AFG1L: variants seen among roughly 807,000 people sequenced by gnomAD.
The protein encoded by AFG1L is AFG1 like ATPase, also known as AFG1-like ATPase.
AFG1L carries 53 observed loss-of-function variants against 62.2 expected under a neutral mutation model. The ratio of observed to expected loss-of-function variants is 0.85; its 90% CI spans 0.68 to 1.07. The LOEUF (loss-of-function observed/expected upper bound fraction) is 1.07, where lower values mean the gene tolerates loss of function less well. AFG1L is among the 50% of genes least tolerant of loss of function. The pLI is 0.00. For missense variants in AFG1L, 555 were observed against 590.5 expected, an observed-to-expected ratio of 0.94 and a Z score of 0.62; for synonymous variants, 228 against 210.3, an observed-to-expected ratio of 1.08 and a Z score of -0.73.
At chr6:108,472,749 T>TCTCCCTCCCTCCCTTCCTTCCTTC (rs1447213205) in intron 8 of AFG1L, among the ~76,000 whole-genome samples, 3 of 149,186 alleles carry the variant, frequency 2.0e-5, no homozygotes, top group Non-Finnish European at 3.0e-5. Flanking sequence ...GCACAATCTC[T>TCTCCCTCCCTCCCTTCCTTCCTTC]CTCCCTCCCT....
chr6:108,511,228 T>G (rs2114900159), intron 11 of AFG1L, among the ~76,000 whole-genome samples: 1 of 151,138 alleles, frequency 6.6e-6, no homozygotes, highest in Non-Finnish European at 1.5e-5. Flanking sequence ...AACAAATGAG[T>G]GAATGACTAG....
At position 108,420,816 on chromosome 6, in the gene AFG1L, T is replaced by G. The variant is rs570402799; in HGVS notation, c.807+18762T>G. On this transcript the variant is annotated intron_variant, in intron 7 of 12. Coordinates refer to ENST00000368977, the MANE Select transcript of AFG1L (RefSeq NM_145315.5). ...TGCTTACATGTAAAATATATACTGT[T>G]TAGGACTTGAATTCTCTTCTCTTAG... Among the ~76,000 whole-genome samples the G allele has an allele frequency of 1.1e-4, 16 of 152,278 alleles. No individual in the cohort carries two copies. The East Asian group carries it at 2.9e-3, about 27-fold the overall frequency.
chr6:108,401,558 G>C (rs1458106423), intron 6 of AFG1L, among the ~76,000 whole-genome samples: 1 of 152,140 alleles, frequency 6.6e-6, no homozygotes, highest in Non-Finnish European at 1.5e-5. Context: ...AGGATTACAG[G>C]CATGAGCTAC....
chr6:108,499,221 A>G (rs1462563501), intron 10 of AFG1L, among the ~76,000 whole-genome samples: 1 of 151,350 alleles, frequency 6.6e-6, no homozygotes, highest in Non-Finnish European at 1.5e-5. Flanking sequence ...GGCACGTGCC[A>G]CTACATGTGG....
chr6:108,319,083 G>A (rs1483388885), intron 1 of AFG1L, among the ~76,000 whole-genome samples: 5 of 152,070 alleles, frequency 3.3e-5, no homozygotes, highest in African/African-American at 4.8e-5. Flanking sequence ...CCAAAAACTG[G>A]GAATGAAGTC....
chr6:108,446,609 A>G (rs1426979959), intron 7 of AFG1L, among the ~76,000 whole-genome samples: 1 of 151,644 alleles, frequency 6.6e-6, no homozygotes, highest in Non-Finnish European at 1.5e-5. Context: ...GGCTCAAGCA[A>G]TGCTCGCAGC....
At chr6:108,417,620 C>A (rs1373629680) in intron 7 of AFG1L, among the ~76,000 whole-genome samples, 1 of 151,992 alleles carries the variant, frequency 6.6e-6, no homozygotes, top group East Asian at 1.9e-4. Context: ...CAAATAAAAG[C>A]AAGATATGTT....
In AFG1L at chr6:108,301,657, G is replaced by A. The variant is rs111354709; in HGVS notation, c.139+6439G>A. On this transcript the variant is annotated intron_variant, in intron 1 of 12. Transcript: ENST00000368977. ...CTTATCCTGCATTCCTTCATGAAGA[G>A]TACAATAGCAATATATTCCACAACA... is the stretch of plus-strand genomic sequence containing the variant. Among the ~76,000 whole-genome samples, 774 of 152,310 alleles carry A rather than the reference G, an allele frequency of 5.1e-3. 4 individuals are homozygous for A. Among genetic ancestry groups the A allele is most frequent in the Middle Eastern group, 0.024 (7 of 294 alleles).
chr6:108,446,646 A>G (rs1771819543), intron 7 of AFG1L, among the ~76,000 whole-genome samples: 1 of 152,084 alleles, frequency 6.6e-6, no homozygotes, highest in Non-Finnish European at 1.5e-5. Context: ...CTGAGACTAC[A>G]GGCGTGTGCC....
At chr6:108,398,071 A>G (rs1269159081) in intron 6 of AFG1L, among the ~76,000 whole-genome samples, 1 of 152,102 alleles carries the variant, frequency 6.6e-6, no homozygotes, top group Non-Finnish European at 1.5e-5. Flanking sequence ...ATTCCCACCA[A>G]TAGAGTATTG....
chr6:108,441,080 A>G (rs773078188), intron 7 of AFG1L, among the ~76,000 whole-genome samples: 1 of 152,168 alleles, frequency 6.6e-6, no homozygotes, highest in Non-Finnish European at 1.5e-5. Flanking sequence ...AGATGGGCAA[A>G]TCTGTGTTTA....
chr6:108,466,931 A>C (rs898258703), intron 8 of AFG1L, among the ~76,000 whole-genome samples: 1 of 151,994 alleles, frequency 6.6e-6, no homozygotes, highest in African/African-American at 2.4e-5. Flanking sequence ...AGTGACAAAA[A>C]TAAACAAACT....
At chr6:108,297,574 G>A (rs904903374) in intron 1 of AFG1L, among the ~76,000 whole-genome samples, 2 of 151,960 alleles carry the variant, frequency 1.3e-5, no homozygotes, top group Admixed American at 1.3e-4. Flanking sequence ...GTGTAATGTG[G>A]CTGGGTGTGG....
chr6:108,422,558 G>A (rs573718423), intron 7 of AFG1L, among the ~76,000 whole-genome samples: 75 of 142,206 alleles, frequency 5.3e-4, no homozygotes, highest in Non-Finnish European at 9.0e-4. Context: ...TTGGGGGAAG[G>A]AGGTGCTGAA....
At chr6:108,399,044 A>G (rs1781436419) in intron 6 of AFG1L, among the ~76,000 whole-genome samples, 1 of 152,130 alleles carries the variant, frequency 6.6e-6, no homozygotes, top group Admixed American at 6.5e-5. Flanking sequence ...GGATAGTATG[A>G]GCATTTTAAC....
At chr6:108,357,831 C>T (rs1779350913) in intron 5 of AFG1L, among the ~76,000 whole-genome samples, 2 of 152,230 alleles carry the variant, frequency 1.3e-5, no homozygotes, top group Admixed American at 1.3e-4. Flanking sequence ...ATGCTTTTAT[C>T]CCAAAGCATG....
chr6:108,316,588 C>T (rs1582577948), intron 1 of AFG1L, among the ~76,000 whole-genome samples: 2 of 141,344 alleles, frequency 1.4e-5, no homozygotes, highest in African/African-American at 5.2e-5. Context: ...GGCTGGAGTG[C>T]AGTGGTGCGA....
chr6:108,336,321 T>A (rs1437092210), intron 2 of AFG1L, among the ~76,000 whole-genome samples: 1 of 152,180 alleles, frequency 6.6e-6, no homozygotes, highest in Non-Finnish European at 1.5e-5. Flanking sequence ...TCCTGCATTT[T>A]AAACAAATTG....
chr6:108,298,914 G>A (rs1386865060), intron 1 of AFG1L, among the ~76,000 whole-genome samples: 1 of 152,150 alleles, frequency 6.6e-6, no homozygotes, highest in Non-Finnish European at 1.5e-5. Context: ...CTGCTGTGGT[G>A]AAGGAGAGCA....
Sources: allele counts gnomAD v4.1 joint callset (sites outside exome capture counted in the v4.1 genomes callset), GRCh38; gene constraint gnomAD v4.1.1; transcripts MANE v1.5; gene names NCBI Gene and HGNC (gene_info 2026-07-23, HGNC 2026-07-21).